Variants in UBE2D3 observed in about 807,000 individuals in gnomAD.
The protein encoded by UBE2D3 is ubiquitin-conjugating enzyme E2 D3.
In UBE2D3, 2 loss-of-function variants were observed where a neutral mutation model predicts 22.8. The ratio of observed to expected loss-of-function variants is 0.09; its 90% CI spans 0.04 to 0.28. The LOEUF is 0.28. Ranked by LOEUF, UBE2D3 falls within the 10% of genes least tolerant of loss-of-function variation. The pLI, the probability that UBE2D3 is intolerant of heterozygous loss-of-function variation, is 1.00. For missense variants in UBE2D3, 27 were observed against 182.5 expected, an observed-to-expected ratio of 0.15 and a Z score of 4.91; for synonymous variants, 56 against 60.4, an observed-to-expected ratio of 0.93 and a Z score of 0.34.
At chr4:102,827,225 T>C in intron 1 of UBE2D3, 4 of 981,800 alleles carry the variant, frequency 4.1e-6, no homozygotes, top group Non-Finnish European at 4.8e-6. Flanking sequence ...TCCCTGAGGC[T>C]CCGGCTTAGG....
chr4:102,819,790 G>A (rs1578255961), intron 2 of UBE2D3, among the ~76,000 whole-genome samples: 1 of 152,176 alleles, frequency 6.6e-6, no homozygotes, highest in Non-Finnish European at 1.5e-5. Context: ...AGGACAGAAC[G>A]CAGTAGTATA....
chr4:102,831,701 T>TA (rs1375380512), upstream of UBE2D3, among the ~76,000 whole-genome samples: 1 of 152,214 alleles, frequency 6.6e-6, no homozygotes, highest in Non-Finnish European at 1.5e-5. Context: ...ATGACCACAA[T>TA]AGTGCATTCT....
At chr4:102,818,927 C>T (rs1729149666) in intron 2 of UBE2D3, among the ~76,000 whole-genome samples, 1 of 152,104 alleles carries the variant, frequency 6.6e-6, no homozygotes, top group Admixed American at 6.5e-5. Context: ...CTTCCTCATT[C>T]AATGATAAGT....
At chr4:102,811,766 G>A in intron 2 of UBE2D3, 1 of 447,548 alleles carries the variant, frequency 2.2e-6, no homozygotes. Flanking sequence ...AAATAAAAAA[G>A]ATACAACAGA....
At chr4:102,809,975 C>T (rs1727691743) in intron 2 of UBE2D3, 120 bp from the exon 3 acceptor site, 1 of 940,572 alleles carries the variant, frequency 1.1e-6, no homozygotes, top group African/African-American at 1.6e-5. Flanking sequence ...TCACAATTCA[C>T]ATAAATAATA....
chr4:102,838,836 A>C (rs1731578013), intron 1 of UBE2D3, among the ~76,000 whole-genome samples: 1 of 150,862 alleles, frequency 6.6e-6, no homozygotes, highest in African/African-American at 2.4e-5. Flanking sequence ...AAAAAAGAGG[A>C]AAAGGAAAGG....
intron 2 of UBE2D3, among the ~76,000 whole-genome samples, chr4:102,814,028 T>C (rs886498571): frequency 1.3e-5 from 2 of 152,226 alleles, no homozygotes; most frequent in Admixed American, 6.5e-5. Context: ...TAAGACTGTA[T>C]ATCACACACC....
chr4:102,819,578 T>C lies in UBE2D3; in HGVS notation c.24+6907A>G, dbSNP rs1389020512. ...ACAAGGTTTTAAGTGTCAACCCTAT[T>C]AAAGCGTAACGCCATAAATAACTTA... On this transcript the variant is annotated intron_variant, in intron 2 of 7. Coordinates refer to ENST00000453744, the MANE Select transcript of UBE2D3 (RefSeq NM_181891.3). 14 of 985,354 alleles carry C rather than the reference T, an allele frequency of 1.4e-5. No individual in the cohort carries two copies. In the East Asian group the frequency reaches 1.1e-3, roughly 80 times the overall value. 61.0% of individuals were successfully genotyped at this position (985,354 alleles called of 1,614,324 possible).
intron 1 of UBE2D3, among the ~76,000 whole-genome samples, chr4:102,866,720 T>A (rs1289380342): frequency 6.6e-6 from 1 of 152,052 alleles, no homozygotes; most frequent in Non-Finnish European, 1.5e-5. Flanking sequence ...AGGGGAAAAA[T>A]TAAACTCAAC....
intron 2 of UBE2D3, among the ~76,000 whole-genome samples, chr4:102,813,899 A>G (rs932300615): frequency 1.3e-5 from 2 of 152,220 alleles, no homozygotes; most frequent in Non-Finnish European, 2.9e-5. Context: ...TAATGCCATA[A>G]AACAAACAAC....
chr4:102,813,249 CA>C (rs766990756), intron 2 of UBE2D3, among the ~76,000 whole-genome samples: 1 of 152,164 alleles, frequency 6.6e-6, no homozygotes, highest in Non-Finnish European at 1.5e-5. Context: ...GGCGGAATCA[CA>C]ATCATAAGGC....
chr4:102,850,977 T>TA (rs1732312919), intron 1 of UBE2D3, among the ~76,000 whole-genome samples: 1 of 152,158 alleles, frequency 6.6e-6, no homozygotes, highest in Admixed American at 6.5e-5. Context: ...ACGCATTGGC[T>TA]ACAGTGTACA....
At chr4:102,828,585 C>G (rs1387815346), upstream of UBE2D3, among the ~76,000 whole-genome samples, 1 of 152,146 alleles carries the variant, frequency 6.6e-6, no homozygotes, top group Non-Finnish European at 1.5e-5. Context: ...CAGTCGCTGC[C>G]GTCCGCCAAG....
chr4:102,851,059 A>C (rs1732317371), intron 1 of UBE2D3, among the ~76,000 whole-genome samples: 1 of 152,154 alleles, frequency 6.6e-6, no homozygotes, highest in Non-Finnish European at 1.5e-5. Flanking sequence ...ACCAAAACCC[A>C]CCTGTTCCCC....
intron 7 of UBE2D3, among the ~76,000 whole-genome samples, chr4:102,798,279 A>AAATATATATATATATATAT (rs1725523227): frequency 8.9e-6 from 1 of 111,860 alleles, no homozygotes; most frequent in Non-Finnish European, 1.8e-5. Context: ...TTAAGAAATG[A>AAATATATATATATATATAT]ATATATATAT....
chr4:102,845,021 CAAAAA>C (rs386401015), intron 1 of UBE2D3, among the ~76,000 whole-genome samples: 2 of 93,646 alleles, frequency 2.1e-5, no homozygotes, highest in African/African-American at 4.2e-5. Flanking sequence ...GACTCCATCT[CAAAAA>C]AAAAAAAAAA....
chr4:102,868,030 A>G (rs1339387900), intron 1 of UBE2D3, among the ~76,000 whole-genome samples: 2 of 151,210 alleles, frequency 1.3e-5, no homozygotes, highest in Non-Finnish European at 2.9e-5. Flanking sequence ...CTTCAGCAGA[A>G]GCCTTGTAAC....
intron 1 of UBE2D3, among the ~76,000 whole-genome samples, chr4:102,845,995 T>C (rs1732022710): frequency 1.3e-5 from 2 of 152,308 alleles, no homozygotes; most frequent in Non-Finnish European, 1.5e-5. Context: ...TTCACCCTGT[T>C]GGCCAGGCTG....
At chr4:102,839,268 T>C (rs1287465042) in intron 1 of UBE2D3, among the ~76,000 whole-genome samples, 1 of 152,164 alleles carries the variant, frequency 6.6e-6, no homozygotes, top group African/African-American at 2.4e-5. Flanking sequence ...GACTTTCTTC[T>C]TCTTTCTTAC....
Sources: gnomAD v4.1 joint callset for allele counts (sites outside exome capture counted in the v4.1 genomes callset) on GRCh38, gnomAD v4.1.1 for gene constraint, MANE v1.5 for transcripts, NCBI Gene and HGNC (gene_info 2026-07-23, HGNC 2026-07-21) for gene names.